Variants in PPP1R3A observed in about 807,000 individuals in gnomAD.
The protein encoded by PPP1R3A is protein phosphatase 1 regulatory subunit 3A.
Under a neutral mutation model 41.7 loss-of-function variants are expected in PPP1R3A, and 29 were observed. That is an observed-to-expected ratio of 0.70 (90% confidence interval 0.52 to 0.95). The LOEUF (loss-of-function observed/expected upper bound fraction) is 0.95, where lower values mean the gene tolerates loss of function less well. Among genes scored for constraint, PPP1R3A ranks in the 40% least tolerant of loss-of-function variants. The pLI, the probability that PPP1R3A is intolerant of heterozygous loss-of-function variation, is 0.00. For missense variants in PPP1R3A, 1,352 were observed against 1,292.4 expected (o/e 1.05, Z -0.71); for synonymous variants, 485 against 453.4 (o/e 1.07, Z -0.89).
At position 113,885,415 on chromosome 7, in the gene PPP1R3A, C is replaced by T. The variant is rs144522500; in HGVS notation, c.783-3095G>A. On this transcript the variant is annotated intron_variant, in intron 1 of 3. Transcript: ENST00000284601. ...AAAACACTTTGAAAAACAATTTGAC[C>T]GACATTATCTTCAAAATTCAACATT... is the stretch of plus-strand genomic sequence containing the variant. Among the ~76,000 whole-genome samples the T allele has an allele frequency of 2.9e-3, 443 of 152,122 alleles. 2 individuals carry two copies. Among genetic ancestry groups the T allele is most frequent in the African/African-American group, 0.01 (422 of 41,520 alleles).
chr7:113,896,758 C>G (rs1796981986), intron 1 of PPP1R3A, among the ~76,000 whole-genome samples: 1 of 151,720 alleles, frequency 6.6e-6, no homozygotes, highest in Admixed American at 6.6e-5. Context: ...GTAAGCCACT[C>G]AATGTCTGGC....
intron 1 of PPP1R3A, among the ~76,000 whole-genome samples, chr7:113,885,561 G>A (rs1370582531): frequency 6.6e-6 from 1 of 151,972 alleles, no homozygotes; most frequent in African/African-American, 2.4e-5. Flanking sequence ...AATGTCCATA[G>A]TGTCATTGTT....
intron 1 of PPP1R3A, among the ~76,000 whole-genome samples, chr7:113,917,070 A>G (rs1484127600): frequency 3.3e-5 from 5 of 152,104 alleles, no homozygotes; most frequent in Non-Finnish European, 7.4e-5. Context: ...TTTATCGTTT[A>G]AAGCACAATT....
intron 1 of PPP1R3A, 35 bp from the exon 2 acceptor site, chr7:113,882,355 C>T: frequency 7.9e-7 from 1 of 1,267,410 alleles, no homozygotes; most frequent in Non-Finnish European, 1.1e-6. Flanking sequence ...ATATGTTTTT[C>T]TGGGACTGCA....
intron 1 of PPP1R3A, among the ~76,000 whole-genome samples, chr7:113,898,593 T>C (rs1487153982): frequency 6.6e-6 from 1 of 151,834 alleles, no homozygotes; most frequent in Non-Finnish European, 1.5e-5. Context: ...GCCCATGTTA[T>C]TGACTAGGCC....
chr7:113,879,144 G>T lies in PPP1R3A; in HGVS notation c.1948C>A (p.Pro650Thr). ...GINSEDQDNS[P>T]QHKQSWNVLE... is the part of the protein sequence containing the mutation. ...ACATTCCAACTTTGTTTATGCTGTG[G>T]GCTATTATCCTGATCTTCAGAATTA... The change falls in exon 4 of 4, where the codon CCA (proline) becomes ACA (threonine). Residue 650 changes from proline (P) to threonine (T), a missense_variant. Pro to Thr is a conservative substitution (Grantham distance 38). Coordinates refer to ENST00000284601, the MANE Select transcript of PPP1R3A (RefSeq NM_002711.4). 6.2e-7 allele frequency: 1 copy of T among 1,613,496 alleles called. No individual in the cohort carries two copies. Among genetic ancestry groups the T allele is most frequent in the Non-Finnish European group, 8.5e-7 (1 of 1,179,770 alleles).
rs920412969 is a variant in PPP1R3A at position 113,882,092 on chromosome 7, T to C, written c.913A>G (p.Lys305Glu). Residue 305 changes from lysine (K) to glutamate (E), a missense_variant, in exon 3 of 4, where the codon AAA becomes GAA. Lys to Glu is a moderately conservative substitution (Grantham distance 56). Coordinates refer to ENST00000284601, the MANE Select transcript of PPP1R3A (RefSeq NM_002711.4). ...TCATCATGTTCCCTGTTTACATCTT[T>C]TACATTTCGATTACTGGCTTCCAAA... ...EDLEASNRNV[K>E]DVNREHDEHN... 1.2e-6 allele frequency: 2 copies of C among 1,612,396 alleles called. No individual in the cohort carries two copies. Among genetic ancestry groups the C allele is most frequent in the Non-Finnish European group, 1.7e-6 (2 of 1,178,920 alleles).
intron 1 of PPP1R3A, among the ~76,000 whole-genome samples, chr7:113,913,209 C>T (rs752069200): frequency 1.3e-5 from 2 of 152,036 alleles, no homozygotes; most frequent in Non-Finnish European, 2.9e-5. Flanking sequence ...CCAAAGGCCT[C>T]GTGGGGCTAT....
At chr7:113,912,723 T>C (rs547044939) in intron 1 of PPP1R3A, among the ~76,000 whole-genome samples, 1 of 152,050 alleles carries the variant, frequency 6.6e-6, no homozygotes, top group Non-Finnish European at 1.5e-5. Flanking sequence ...TTTTCTTTTT[T>C]TGCCAGGAGC....
intron 1 of PPP1R3A, among the ~76,000 whole-genome samples, chr7:113,908,215 C>A (rs1797176731): frequency 6.6e-6 from 1 of 151,772 alleles, no homozygotes; most frequent in Admixed American, 6.6e-5. Flanking sequence ...TGAGATATTA[C>A]CGATATAGAA....
intron 1 of PPP1R3A, among the ~76,000 whole-genome samples, chr7:113,909,239 A>C (rs939325442): frequency 1.3e-5 from 2 of 152,062 alleles, no homozygotes; most frequent in African/African-American, 4.8e-5. Context: ...AAAATTAGGT[A>C]TCTAGAAAAT....
chr7:113,905,604 C>A (rs1797132805), intron 1 of PPP1R3A, among the ~76,000 whole-genome samples: 1 of 151,824 alleles, frequency 6.6e-6, no homozygotes, highest in Admixed American at 6.6e-5. Context: ...GTAGACACAT[C>A]ACACTAAATT....
At chr7:113,912,470 G>T (rs551920260) in intron 1 of PPP1R3A, among the ~76,000 whole-genome samples, 1 of 152,146 alleles carries the variant, frequency 6.6e-6, no homozygotes, top group Admixed American at 6.5e-5. Flanking sequence ...TTTAGGCAAG[G>T]TTACAAAATG....
At chr7:113,880,236 G>T in intron 3 of PPP1R3A, 111 bp from the exon 4 acceptor site, 1 of 1,008,434 alleles carries the variant, frequency 9.9e-7, no homozygotes, top group Non-Finnish European at 1.4e-6. Flanking sequence ...AGATTTCTTT[G>T]ACTGATTTCA....
chr7:113,900,613 ATGTATATATTAT>A (rs946688092), intron 1 of PPP1R3A, among the ~76,000 whole-genome samples: 1 of 149,088 alleles, frequency 6.7e-6, no homozygotes, highest in African/African-American at 2.4e-5. Context: ...CATATATAGT[ATGTATATATTAT>A]TGTATATATG....
Position 113,879,351 on chromosome 7 carries a change from C to T in PPP1R3A, c.1741G>A (p.Val581Met), listed in dbSNP as rs758192762. The T allele has an allele frequency of 1.3e-5, 21 of 1,613,518 alleles. No homozygotes were observed. The highest frequency in any genetic ancestry group is 2.7e-5 in the African/African-American group (2 of 74,866). Residue 581 changes from valine to methionine, a missense_variant, in exon 4 of 4, where the codon GTG becomes ATG. Transcript: ENST00000284601. ...AAATTTGTCCTTGGTGAATGAGACACATCTGCTGTGATTGCCCGGGTGGGG... is the reference window on the plus strand; with the variant it reads ...AAATTTGTCCTTGGTGAATGAGACATATCTGCTGTGATTGCCCGGGTGGGG... ...AIPTRAITAD[V>M]SHSPRTNLSW...
At position 113,898,575 on chromosome 7, in the gene PPP1R3A, C is replaced by T. The variant is rs531043585; in HGVS notation, c.783-16255G>A. On this transcript the variant is annotated intron_variant, in intron 1 of 3. Transcript: ENST00000284601. ...TCTCTTTGACCAAACTCTAGCCAGG[C>T]TCTTTAGGCCCATGTTATTGACTAG... Among the ~76,000 whole-genome samples the T allele has an allele frequency of 5.9e-5, 9 of 151,950 alleles. No individual in the cohort carries two copies. In the South Asian group the frequency reaches 1.5e-3, roughly 24 times the overall value.
intron 1 of PPP1R3A, among the ~76,000 whole-genome samples, chr7:113,917,405 T>A (rs1491003352): frequency 6.6e-6 from 1 of 152,050 alleles, no homozygotes; most frequent in African/African-American, 2.4e-5. Flanking sequence ...GCCAGCTATG[T>A]ACTATCGAGA....
chr7:113,879,128 CTTTGTT>C lies in PPP1R3A; in HGVS notation c.1958_1963del (p.Lys653_Gln654del). 1 of 1,613,770 alleles carries C rather than the reference CTTTGTT, an allele frequency of 6.2e-7. No homozygotes were observed. The highest frequency in any genetic ancestry group is 8.5e-7 in the Non-Finnish European group (1 of 1,179,812). Reference sequence around the variant, plus strand: ...TCCCTGACTTTCCAGAACATTCCAACTTTGTTTATGCTGTGGGCTATTATCCTGATC... The same window carrying C: ...TCCCTGACTTTCCAGAACATTCCAACTATGCTGTGGGCTATTATCCTGATC... On this transcript the variant is annotated inframe_deletion, in exon 4 of 4. Transcript: ENST00000284601.
Sources: gnomAD v4.1 joint callset for allele counts (sites outside exome capture counted in the v4.1 genomes callset) on GRCh38, gnomAD v4.1.1 for gene constraint, MANE v1.5 for transcripts, NCBI Gene and HGNC (gene_info 2026-07-23, HGNC 2026-07-21) for gene names.